The following SLIT2 variants were observed in gnomAD, a reference collection of about 807,000 sequenced individuals.
The protein encoded by SLIT2 is slit guidance ligand 2, also known as slit homolog 2 protein.
In SLIT2, 41 loss-of-function variants were observed where a neutral mutation model predicts 185.7. That is an observed-to-expected ratio of 0.22 (90% CI 0.17 to 0.29). SLIT2 has a LOEUF of 0.29. Ranked by LOEUF, SLIT2 falls within the 10% of genes least tolerant of loss-of-function variation. SLIT2 has a pLI of 1.00. For missense variants in SLIT2, 1,571 were observed against 1,909.0 expected (o/e 0.82, Z 3.30); for synonymous variants, 693 against 680.2 (o/e 1.02, Z -0.29).
intron 4 of SLIT2, among the ~76,000 whole-genome samples, chr4:20,463,515 A>ATGTGTGTG (rs375793654): frequency 0.042 from 4,701 of 112,308 alleles, 202 homozygotes; most frequent in Admixed American, 0.15. Context: ...ATATCCATAT[A>ATGTGTGTG]TGTGTGTGTG....
intron 4 of SLIT2, among the ~76,000 whole-genome samples, chr4:20,356,277 T>C (rs375395070): frequency 6.6e-6 from 1 of 152,184 alleles, no homozygotes; most frequent in East Asian, 1.9e-4. Flanking sequence ...GTAACCACCT[T>C]CTACTCTATT....
chr4:20,554,279 C>T (rs1315932214), intron 26 of SLIT2: 2 of 482,358 alleles, frequency 4.1e-6, no homozygotes, highest in East Asian at 6.0e-5. Context: ...TTTGCTTTTG[C>T]CCTGTCTGAA....
chr4:20,335,862 T>C (rs1239104032), intron 4 of SLIT2, among the ~76,000 whole-genome samples: 1 of 152,118 alleles, frequency 6.6e-6, no homozygotes, highest in Admixed American at 6.6e-5. Context: ...TAATAATAAC[T>C]ACCATTTATG....
chr4:20,517,486 A>G (rs1720318490), intron 11 of SLIT2, among the ~76,000 whole-genome samples: 1 of 151,964 alleles, frequency 6.6e-6, no homozygotes, highest in Non-Finnish European at 1.5e-5. Flanking sequence ...TTCATGCCTT[A>G]TCTTTTCTAA....
intron 10 of SLIT2, among the ~76,000 whole-genome samples, chr4:20,510,838 A>G (rs573369596): frequency 2.0e-5 from 3 of 152,200 alleles, no homozygotes; most frequent in Non-Finnish European, 2.9e-5. Flanking sequence ...CAGGTGTTCT[A>G]TTGTCAAAAA....
chr4:20,605,829 C>G (rs948418435), intron 33 of SLIT2, among the ~76,000 whole-genome samples: 3 of 151,382 alleles, frequency 2.0e-5, no homozygotes, highest in African/African-American at 7.3e-5. Flanking sequence ...TCACTGCAAC[C>G]TCTGCCTCCC....
At chr4:20,363,838 G>A (rs1225451058) in intron 4 of SLIT2, among the ~76,000 whole-genome samples, 1 of 152,052 alleles carries the variant, frequency 6.6e-6, no homozygotes, top group East Asian at 1.9e-4. Context: ...ATAAGAGAAC[G>A]GGGCATTGTA....
chr4:20,524,360 C>T (rs71607026), intron 14 of SLIT2, among the ~76,000 whole-genome samples, 183 bp downstream of exon 14: 5,082 of 152,254 alleles, frequency 0.033, 127 homozygotes, highest in Non-Finnish European at 0.05. Context: ...CTATATGTAA[C>T]ATTTTAACAC....
At chr4:20,291,463 TATATATATATATATATATATATATA>T (rs1715818273) in intron 4 of SLIT2, among the ~76,000 whole-genome samples, 3 of 26,752 alleles carry the variant, frequency 1.1e-4, no homozygotes, top group Non-Finnish European at 2.1e-4. Context: ...TATATATATA[TATATATATATATATATATATATATA>T]TATATTTTTT....
At chr4:20,351,134 C>T (rs548021628) in intron 4 of SLIT2, among the ~76,000 whole-genome samples, 14 of 151,862 alleles carry the variant, frequency 9.2e-5, no homozygotes, top group East Asian at 5.8e-4. Flanking sequence ...CTGCAACCTC[C>T]GCCTCCTGGG....
At chr4:20,324,543 GAC>G (rs1719392359) in intron 4 of SLIT2, among the ~76,000 whole-genome samples, 1 of 152,120 alleles carries the variant, frequency 6.6e-6, no homozygotes, top group Non-Finnish European at 1.5e-5. Flanking sequence ...GAATTGAAAA[GAC>G]ATGGGAAAGA....
At chr4:20,570,771 G>A (rs1725540510) in intron 29 of SLIT2, among the ~76,000 whole-genome samples, 1 of 139,698 alleles carries the variant, frequency 7.2e-6, no homozygotes, top group African/African-American at 2.7e-5. Flanking sequence ...ATTTCCTGAT[G>A]AAAACCTAGG....
chr4:20,597,408 T>C (rs941087667), intron 32 of SLIT2, among the ~76,000 whole-genome samples: 1 of 152,144 alleles, frequency 6.6e-6, no homozygotes, highest in African/African-American at 2.4e-5. Context: ...CTTTGAAGAA[T>C]TGACATGAAA....
chr4:20,451,962 C>T (rs1220383243), intron 4 of SLIT2, among the ~76,000 whole-genome samples: 3 of 152,162 alleles, frequency 2.0e-5, no homozygotes, highest in Admixed American at 2.0e-4. Context: ...GGCAAAACAA[C>T]CAAAGCATTT....
chr4:20,580,816 A>G (rs1198314740), intron 29 of SLIT2, among the ~76,000 whole-genome samples: 1 of 152,198 alleles, frequency 6.6e-6, no homozygotes, highest in African/African-American at 2.4e-5. Context: ...GAGCCTTGTC[A>G]TGGAGCACTC....
chr4:20,518,292 GC>G (rs1459896354), intron 11 of SLIT2, among the ~76,000 whole-genome samples: 1 of 128,226 alleles, frequency 7.8e-6, no homozygotes, highest in Non-Finnish European at 1.6e-5. Flanking sequence ...TCGCTCTGTC[GC>G]CCAAGCTGGA....
At chr4:20,569,080 G>GTT (rs1213501206) in intron 29 of SLIT2, 76 bp downstream of exon 29, 1 of 1,243,146 alleles carries the variant, frequency 8.0e-7, no homozygotes, top group Non-Finnish European at 1.2e-6. Flanking sequence ...TGTTATATAT[G>GTT]TTTAGTAAAT....
intron 4 of SLIT2, among the ~76,000 whole-genome samples, chr4:20,373,931 T>C (rs1329913523): frequency 6.6e-6 from 1 of 152,050 alleles, no homozygotes; most frequent in Non-Finnish European, 1.5e-5. Flanking sequence ...GAGCAGCTTA[T>C]AGAAGAAAGA....
At chr4:20,524,688 C>G (rs1288090042) in intron 14 of SLIT2, among the ~76,000 whole-genome samples, 1 of 152,184 alleles carries the variant, frequency 6.6e-6, no homozygotes, top group African/African-American at 2.4e-5. Flanking sequence ...ATTTTGCATA[C>G]AACCGTGAGG....
Sources: gnomAD v4.1 joint callset for allele counts (sites outside exome capture counted in the v4.1 genomes callset) on GRCh38, gnomAD v4.1.1 for gene constraint, MANE v1.5 for transcripts, NCBI Gene and HGNC (gene_info 2026-07-23, HGNC 2026-07-21) for gene names.